The following TMPRSS11D variants were observed in gnomAD, a reference collection of about 807,000 sequenced individuals.
TMPRSS11D encodes transmembrane serine protease 11D, also known as transmembrane protease serine 11D.
A neutral mutation model predicts 44.4 loss-of-function variants in TMPRSS11D; 32 were observed. The ratio of observed to expected loss-of-function variants is 0.72; its 90% CI spans 0.54 to 0.97. The LOEUF is 0.97. Ranked by LOEUF, TMPRSS11D falls within the 50% of genes least tolerant of loss-of-function variation. TMPRSS11D has a pLI of 0.00. For synonymous variants in TMPRSS11D, 179 were observed against 177.9 expected, an observed-to-expected ratio of 1.01 and a Z score of -0.05; for missense variants, 446 against 502.6, an observed-to-expected ratio of 0.89 and a Z score of 1.08.
chr4:67,822,615 C>G, intron 9 of TMPRSS11D, 117 bp from the exon 10 acceptor site: 2 of 1,143,892 alleles, frequency 1.7e-6, no homozygotes, highest in South Asian at 3.3e-5. Context: ...ATAAAGTCAG[C>G]CTATTTCCTT....
chr4:67,848,657 C>G (rs1718416941), intron 3 of TMPRSS11D, among the ~76,000 whole-genome samples: 1 of 152,152 alleles, frequency 6.6e-6, no homozygotes, highest in Admixed American at 6.5e-5. Context: ...CAGGAAGAAT[C>G]AGACTTAGCT....
intron 3 of TMPRSS11D, among the ~76,000 whole-genome samples, chr4:67,844,660 T>TCTTTA (rs1411309507): frequency 1.3e-5 from 2 of 151,628 alleles, no homozygotes; most frequent in Non-Finnish European, 2.9e-5. Context: ...GCACCTGTAA[T>TCTTTA]CCCAACTACT....
intron 1 of TMPRSS11D, among the ~76,000 whole-genome samples, chr4:67,859,906 T>C (rs902925649): frequency 2.0e-5 from 3 of 152,160 alleles, no homozygotes; most frequent in Non-Finnish European, 4.4e-5. Flanking sequence ...AGTAGTCTGA[T>C]GGAAGAAGAG....
intron 4 of TMPRSS11D, among the ~76,000 whole-genome samples, chr4:67,839,701 C>T (rs986671566): frequency 4.6e-5 from 7 of 151,680 alleles, no homozygotes; most frequent in South Asian, 2.1e-4. Context: ...TATCTGTTTC[C>T]GAGATCCAGC....
chr4:67,864,186 G>A (rs932598717), intron 1 of TMPRSS11D, among the ~76,000 whole-genome samples: 2 of 151,856 alleles, frequency 1.3e-5, no homozygotes, highest in Non-Finnish European at 2.9e-5. Context: ...CCTGTTTACC[G>A]ATTTACCTAT....
At chr4:67,862,334 G>A (rs1043235064) in intron 1 of TMPRSS11D, among the ~76,000 whole-genome samples, 3 of 152,046 alleles carry the variant, frequency 2.0e-5, no homozygotes, top group African/African-American at 2.4e-5. Context: ...AGGAGTGACA[G>A]AGCTGGAAAC....
At chr4:67,834,672 T>G (rs1288850261) in intron 6 of TMPRSS11D, among the ~76,000 whole-genome samples, 1 of 152,164 alleles carries the variant, frequency 6.6e-6, no homozygotes, top group Non-Finnish European at 1.5e-5. Context: ...TATTATACTT[T>G]GTGATTAACC....
At chr4:67,846,044 G>A (rs2109676338) in intron 3 of TMPRSS11D, among the ~76,000 whole-genome samples, 1 of 152,228 alleles carries the variant, frequency 6.6e-6, no homozygotes, top group Non-Finnish European at 1.5e-5. Context: ...TATTAGAATA[G>A]AAGTAATAGA....
In TMPRSS11D at chr4:67,859,606, T is replaced by C; in HGVS notation, c.81A>G (p.Val27=). 6.2e-6 allele frequency: 10 copies of C among 1,613,292 alleles called. No individual in the cohort carries two copies. The highest frequency in any genetic ancestry group is 8.5e-6 in the Non-Finnish European group (10 of 1,179,424). The part of the protein sequence containing the change: ...YVVCFIVVAG[V]VILAVTIALL... ...GAGCTATGGTGACTGCCAGGATCAC[T>C]ACCCCTGCGACGACAATGAAACATA... Residue 27 remains valine (V), a synonymous_variant, in exon 2 of 10, where the codon GTA becomes GTG. Coordinates refer to ENST00000283916, the MANE Select transcript of TMPRSS11D (RefSeq NM_004262.3).
chr4:67,847,369 C>T (rs1353349945), intron 3 of TMPRSS11D, among the ~76,000 whole-genome samples: 1 of 152,176 alleles, frequency 6.6e-6, no homozygotes, highest in Non-Finnish European at 1.5e-5. Context: ...CTGTCATTAT[C>T]TTACTGTTCA....
rs1717832612 is a variant in TMPRSS11D, at chr4:67,827,530, T to C, written c.693-10A>G. ...ACGAGGATTAGAGTTGCTAAAACAT[T>C]ATGAAAACATGCTATATGAGTAGGG... On this transcript the variant is annotated splice_polypyrimidine_tract_variant and intron_variant, in intron 7 of 9. Coordinates refer to ENST00000283916, the MANE Select transcript of TMPRSS11D (RefSeq NM_004262.3). 6.3e-7 allele frequency: 1 copy of C among 1,576,352 alleles called. No homozygotes were observed. The highest frequency in any genetic ancestry group is 1.4e-5 in the African/African-American group (1 of 73,972).
intron 4 of TMPRSS11D, among the ~76,000 whole-genome samples, chr4:67,840,447 G>T (rs1718206622): frequency 1.3e-5 from 2 of 152,156 alleles, no homozygotes; most frequent in South Asian, 4.2e-4. Flanking sequence ...TACCAAGGTG[G>T]AATCAAAGTA....
chr4:67,859,636 A>C lies in TMPRSS11D; in HGVS notation c.51T>G (p.Tyr17Ter), dbSNP rs1278227448. The change falls in exon 2 of 10, where the codon TAT becomes TAG. Residue 17 changes from tyrosine (Y) to a stop codon, truncating the protein, a stop_gained. Coordinates refer to ENST00000283916, the MANE Select transcript of TMPRSS11D (RefSeq NM_004262.3). LOFTEE classifies it high-confidence loss of function. ...CTGCGACGACAATGAAACATACTAC[A>C]TATGGATTCAGAAATCTTGAAGTCG... The part of the protein sequence containing the change: ...VTSTSRFLNP[Y>*]VVCFIVVAGV... 6.2e-7 allele frequency: 1 copy of C among 1,613,194 alleles called. No individual in the cohort carries two copies. The highest frequency in any genetic ancestry group is 1.7e-5 in the Admixed American group (1 of 59,908).
chr4:67,824,878 C>T (rs1717753481), intron 9 of TMPRSS11D, among the ~76,000 whole-genome samples: 1 of 152,062 alleles, frequency 6.6e-6, no homozygotes, highest in Non-Finnish European at 1.5e-5. Flanking sequence ...CCAGCTGTTC[C>T]TGCTACTGTG....
Position 67,833,153 on chromosome 4 carries a change from T to A in TMPRSS11D, c.692+51A>T, listed in dbSNP as rs1024450544. ...CCTAGGGTAGAGGGTGCAGTCTTCA[T>A]GACCTGTCTATTCTAATTGTTCCCA... On this transcript the variant is annotated intron_variant, in intron 7 of 9. Transcript: ENST00000283916. 3.7e-6 allele frequency: 5 copies of A among 1,346,700 alleles called. No homozygotes were observed. In the African/African-American group the frequency reaches 7.5e-5, roughly 20 times the overall value. The allele number at this position is 1,346,700 out of a possible 1,614,324, so 83.4% of individuals were successfully genotyped here.
intron 5 of TMPRSS11D, among the ~76,000 whole-genome samples, chr4:67,836,945 C>T (rs891621629): frequency 1.4e-4 from 21 of 152,134 alleles, no homozygotes; most frequent in African/African-American, 4.6e-4. Context: ...AGTCCATTCT[C>T]CTTCATGAAA....
In TMPRSS11D at chr4:67,822,253, C is replaced by T. The variant is rs879428714; in HGVS notation, c.*84G>A. On this transcript the variant is annotated 3_prime_UTR_variant, in exon 10 of 10. Coordinates refer to ENST00000283916, the MANE Select transcript of TMPRSS11D (RefSeq NM_004262.3). The stretch of plus-strand genomic sequence containing the variant: ...TGTTAAATTAGGACATTTCTAGTTT[C>T]TTTTTCAGTTGAAATGTAAAGCTTT... 9.3e-5 allele frequency: 134 copies of T among 1,435,896 alleles called. No homozygotes were observed. Among genetic ancestry groups the T allele is most frequent in the Non-Finnish European group, 1.2e-4 (122 of 1,044,928 alleles). 88.9% of individuals were successfully genotyped at this position (1,435,896 alleles called of 1,614,324 possible).
At chr4:67,867,226 TGGGGAAA>T (rs1311937524) in intron 1 of TMPRSS11D, among the ~76,000 whole-genome samples, 1 of 151,884 alleles carries the variant, frequency 6.6e-6, no homozygotes, top group Non-Finnish European at 1.5e-5. Flanking sequence ...AAACATACAC[TGGGGAAA>T]GGACACCCCA....
At chr4:67,826,508 T>G in intron 8 of TMPRSS11D, among the ~76,000 whole-genome samples, 1 of 152,156 alleles carries the variant, frequency 6.6e-6, no homozygotes, top group East Asian at 1.9e-4. Context: ...GTAGCTCTTG[T>G]GCATTGTCCT....
Sources: allele counts gnomAD v4.1 joint callset (sites outside exome capture counted in the v4.1 genomes callset), GRCh38; gene constraint gnomAD v4.1.1; transcripts MANE v1.5; gene names NCBI Gene and HGNC (gene_info 2026-07-23, HGNC 2026-07-21).